Variants in DIAPH3 observed in about 807,000 individuals in gnomAD.
The protein encoded by DIAPH3 is protein diaphanous homolog 3.
DIAPH3 carries 117 observed loss-of-function variants against 144.3 expected under a neutral mutation model. The observed-to-expected ratio is 0.81, with a 90% CI of 0.70 to 0.95. The LOEUF is 0.95. Ranked by LOEUF, DIAPH3 falls within the 40% of genes least tolerant of loss-of-function variation. DIAPH3 has a pLI of 0.00. For missense variants in DIAPH3, 1,421 were observed against 1,412.7 expected (o/e 1.01, Z -0.09); for synonymous variants, 519 against 488.9 (o/e 1.06, Z -0.81).
chr13:60,066,001 T>C (rs2056949360), intron 4 of DIAPH3, among the ~76,000 whole-genome samples: 1 of 152,158 alleles, frequency 6.6e-6, no homozygotes, highest in Admixed American at 6.5e-5. Context: ...TAAAATGTCA[T>C]TTTTAATAAA....
intron 3 of DIAPH3, among the ~76,000 whole-genome samples, chr13:60,102,264 A>G (rs922914632): frequency 2.6e-5 from 4 of 152,220 alleles, no homozygotes; most frequent in Non-Finnish European, 5.9e-5. Context: ...TTGAGTATCA[A>G]TATGTAAGCA....
chr13:60,125,612 G>T (rs1327685762), intron 2 of DIAPH3, among the ~76,000 whole-genome samples: 1 of 151,972 alleles, frequency 6.6e-6, no homozygotes, highest in Non-Finnish European at 1.5e-5. Context: ...TTCCCTAGAA[G>T]GTTTCTGCAC....
intron 27 of DIAPH3, among the ~76,000 whole-genome samples, chr13:59,753,899 A>C (rs1007887643): frequency 6.6e-6 from 1 of 152,200 alleles, no homozygotes; most frequent in African/African-American, 2.4e-5. Flanking sequence ...ATTTTAAGTA[A>C]ATCAAAGAAC....
At chr13:60,102,787 T>G (rs1460591026) in intron 3 of DIAPH3, among the ~76,000 whole-genome samples, 1 of 152,152 alleles carries the variant, frequency 6.6e-6, no homozygotes, top group East Asian at 1.9e-4. Flanking sequence ...CCCTGCCAAG[T>G]AGTACCTGGT....
At chr13:59,772,134 A>G (rs2038155931) in intron 27 of DIAPH3, among the ~76,000 whole-genome samples, 1 of 152,074 alleles carries the variant, frequency 6.6e-6, no homozygotes, top group Non-Finnish European at 1.5e-5. Context: ...AATGAAAAAA[A>G]GTAGTTTTTA....
At chr13:59,745,136 T>C (rs2036639309) in intron 27 of DIAPH3, among the ~76,000 whole-genome samples, 1 of 152,216 alleles carries the variant, frequency 6.6e-6, no homozygotes, top group South Asian at 2.1e-4. Context: ...CTTTGCTTTT[T>C]CCTCTAGCTT....
intron 24 of DIAPH3, chr13:59,832,835 T>G: frequency 2.7e-6 from 1 of 376,482 alleles, no homozygotes; most frequent in South Asian, 3.2e-5. Context: ...ACAGAAGTGC[T>G]CTGTAATTAG....
rs186571553 is a variant in DIAPH3 at position 60,079,583 on chromosome 13, C to T, written c.495+14045G>A. Among the ~76,000 whole-genome samples the T allele has an allele frequency of 3.0e-3, 461 of 151,688 alleles. 2 individuals carry two copies. Among genetic ancestry groups the T allele is most frequent in the African/African-American group, 9.7e-3 (401 of 41,376 alleles). On this transcript the variant is annotated intron_variant, in intron 4 of 27. Coordinates refer to ENST00000400324, the MANE Select transcript of DIAPH3 (RefSeq NM_001042517.2). ...ATAAGTCTAAACTTAGATTGCTTTA[C>T]GAGTATAAATTATTGGTCTACTCAA...
intron 1 of DIAPH3, among the ~76,000 whole-genome samples, chr13:60,136,368 T>G (rs1020545251): frequency 6.8e-6 from 1 of 146,422 alleles, no homozygotes; most frequent in Non-Finnish European, 1.5e-5. Context: ...GGACATCTAC[T>G]CCAAAAAGGA....
intron 1 of DIAPH3, among the ~76,000 whole-genome samples, chr13:60,158,121 T>C (rs1374222437): frequency 6.6e-6 from 1 of 152,226 alleles, no homozygotes; most frequent in Non-Finnish European, 1.5e-5. Context: ...CCAGTGCTAG[T>C]CCCTTCTTCC....
chr13:59,907,596 T>C (rs17057457), intron 20 of DIAPH3, among the ~76,000 whole-genome samples: 16,916 of 152,198 alleles, frequency 0.11, 957 homozygotes, highest in Admixed American at 0.15. Flanking sequence ...ACAAGCCAAC[T>C]TACGACCACA....
chr13:59,737,887 C>T (rs1030753074), intron 27 of DIAPH3, among the ~76,000 whole-genome samples: 15 of 152,122 alleles, frequency 9.9e-5, no homozygotes, highest in African/African-American at 3.6e-4. Flanking sequence ...TAAAATTAGG[C>T]CGGGCACAGT....
chr13:59,698,680 C>T (rs1380830139), intron 27 of DIAPH3, among the ~76,000 whole-genome samples: 3 of 152,142 alleles, frequency 2.0e-5, no homozygotes, highest in Non-Finnish European at 4.4e-5. Context: ...AAGCCATATT[C>T]CTGCTTCCTT....
chr13:60,156,939 A>ATATATATATATATT (rs1337230427), intron 1 of DIAPH3, among the ~76,000 whole-genome samples: 11 of 82,070 alleles, frequency 1.3e-4, no homozygotes, highest in Non-Finnish European at 2.5e-4. Flanking sequence ...ATATATATAT[A>ATATATATATATATT]TTTTTTTTTT....
chr13:59,747,917 C>CA lies in DIAPH3; in HGVS notation c.3319+26271dup, dbSNP rs1408086115. On this transcript the variant is annotated intron_variant, in intron 27 of 27. Transcript: ENST00000400324. Reference sequence around the variant, plus strand: ...CAAGTGGACTGATTCTAAATGCCTGCAGGCTCTATGCCTTCCACTATAAAT... The same window carrying CA: ...CAAGTGGACTGATTCTAAATGCCTGCAAGGCTCTATGCCTTCCACTATAAAT... Among the ~76,000 whole-genome samples, 4 of 152,294 alleles carry CA rather than the reference C, an allele frequency of 2.6e-5. No individual in the cohort carries two copies. The East Asian group carries it at 5.8e-4, about 22-fold the overall frequency.
Position 59,706,914 on chromosome 13 carries a change from T to C in DIAPH3, c.3320-40068A>G, listed in dbSNP as rs75961785. Among the ~76,000 whole-genome samples the C allele has an allele frequency of 8.2e-3, 1,253 of 152,334 alleles. 20 individuals carry two copies. Among genetic ancestry groups the C allele is most frequent in the African/African-American group, 0.028 (1,182 of 41,576 alleles). On this transcript the variant is annotated intron_variant, in intron 27 of 27. Coordinates refer to ENST00000400324, the MANE Select transcript of DIAPH3 (RefSeq NM_001042517.2). ...CAAATGGAAAGTACTAACAAAAATA[T>C]GTTGCTATTTTATAGTAATAACACA...
At chr13:60,063,253 G>C (rs2056836513) in intron 4 of DIAPH3, among the ~76,000 whole-genome samples, 1 of 152,120 alleles carries the variant, frequency 6.6e-6, no homozygotes, top group African/African-American at 2.4e-5. Flanking sequence ...CTCCTCATTT[G>C]TTGAGCTTTA....
At chr13:59,915,683 AGAATACTAT>A (rs1326486613) in intron 19 of DIAPH3, among the ~76,000 whole-genome samples, 7 of 152,148 alleles carry the variant, frequency 4.6e-5, no homozygotes, top group Admixed American at 3.3e-4. Flanking sequence ...GAATAAATTC[AGAATACTAT>A]GTAAACAATC....
chr13:60,038,367 G>A (rs1367172336), intron 5 of DIAPH3, among the ~76,000 whole-genome samples: 1 of 152,068 alleles, frequency 6.6e-6, no homozygotes, highest in East Asian at 1.9e-4. Flanking sequence ...ATAAAAATGA[G>A]TACACTGATC....
Sources: gnomAD v4.1 joint callset for allele counts (sites outside exome capture counted in the v4.1 genomes callset) on GRCh38, gnomAD v4.1.1 for gene constraint, MANE v1.5 for transcripts, NCBI Gene and HGNC (gene_info 2026-07-23, HGNC 2026-07-21) for gene names.